PKN2: variants seen among roughly 807,000 people sequenced by gnomAD.
PKN2 encodes protein kinase N2, also known as serine/threonine-protein kinase N2.
In PKN2, 38 loss-of-function variants were observed where a neutral mutation model predicts 119.1. That is an observed-to-expected ratio of 0.32 (90% confidence interval 0.25 to 0.42). The LOEUF is 0.42. PKN2 is among the 10% of genes least tolerant of loss of function. The pLI, the probability that PKN2 is intolerant of heterozygous loss-of-function variation, is 1.00. For synonymous variants in PKN2, 390 were observed against 384.9 expected, an observed-to-expected ratio of 1.01 and a Z score of -0.15; for missense variants, 850 against 1,165.1, an observed-to-expected ratio of 0.73 and a Z score of 3.94.
At chr1:88,731,512 A>G (rs778679836) in intron 1 of PKN2, among the ~76,000 whole-genome samples, 62 of 152,238 alleles carry the variant, frequency 4.1e-4, no homozygotes, top group Non-Finnish European at 8.2e-4. Context: ...CAGAAGGACT[A>G]GTAAGCTGAA....
chr1:88,767,732 G>T (rs1669720887), intron 3 of PKN2, among the ~76,000 whole-genome samples: 1 of 152,112 alleles, frequency 6.6e-6, no homozygotes, highest in African/African-American at 2.4e-5. Flanking sequence ...GAATACAAAA[G>T]AAATAAAAGA....
chr1:88,806,138 TTTTG>T lies in PKN2; in HGVS notation c.1803+129_1803+132del, dbSNP rs1309807219. The T allele has an allele frequency of 1.6e-5, 14 of 895,324 alleles. No homozygotes were observed. The Admixed American group carries it at 3.2e-4, about 20-fold the overall frequency. The allele number at this position is 895,324 out of a possible 1,614,324, so 55.5% of individuals were successfully genotyped here. The stretch of plus-strand genomic sequence containing the variant: ...GCCACTGAACTGTGAATTTATGGTT[TTTTG>T]TTTGTTTTTTGTTTTTGTTTTTGTT... On this transcript the variant is annotated intron_variant, in intron 12 of 21. Transcript: ENST00000370521.
chr1:88,785,937 T>C (rs1289315247), intron 7 of PKN2, among the ~76,000 whole-genome samples, 167 bp from the exon 8 acceptor site: 1 of 152,260 alleles, frequency 6.6e-6, no homozygotes, highest in Non-Finnish European at 1.5e-5. Context: ...AGTAGGAGTA[T>C]ATGTATCTGT....
rs900588946 is a variant in PKN2, at chr1:88,709,178, C to T, written c.48+24550C>T. Among the ~76,000 whole-genome samples, 4 of 151,842 alleles carry T rather than the reference C, an allele frequency of 2.6e-5. No homozygotes were observed. In the East Asian group the frequency reaches 7.7e-4, roughly 29 times the overall value. ...AAGTGATTCTCCTGCCTCAGCCTCC[C>T]GAGTAGCTGGGATTACAGGTGCACA... On this transcript the variant is annotated intron_variant, in intron 1 of 21. Coordinates refer to ENST00000370521, the MANE Select transcript of PKN2 (RefSeq NM_006256.4).
intron 16 of PKN2, 121 bp from the exon 17 acceptor site, chr1:88,821,820 G>A: frequency 1.3e-6 from 1 of 742,004 alleles, no homozygotes. Flanking sequence ...ACATAGTAGG[G>A]ACTAAATAAA....
intron 2 of PKN2, among the ~76,000 whole-genome samples, chr1:88,754,268 CTCTT>C (rs60867604): frequency 0.051 from 7,810 of 151,922 alleles, 381 homozygotes; most frequent in African/African-American, 0.12. Flanking sequence ...CATTTTTCCT[CTCTT>C]TCTCTTTTTA....
chr1:88,728,753 G>C (rs1037163411), intron 1 of PKN2, among the ~76,000 whole-genome samples: 1 of 152,132 alleles, frequency 6.6e-6, no homozygotes, highest in African/African-American at 2.4e-5. Flanking sequence ...TAATCAACGG[G>C]AGGAGGCTAG....
At chr1:88,717,490 G>A (rs753641512) in intron 1 of PKN2, among the ~76,000 whole-genome samples, 27 of 151,772 alleles carry the variant, frequency 1.8e-4, no homozygotes, top group African/African-American at 2.7e-4. Flanking sequence ...GGCTTTGTTC[G>A]TTTCTTTTTA....
In PKN2 at chr1:88,833,453, C is replaced by T; in HGVS notation, c.*5C>T. On this transcript the variant is annotated 3_prime_UTR_variant, in exon 22 of 22. Coordinates refer to ENST00000370521, the MANE Select transcript of PKN2 (RefSeq NM_006256.4). Reference sequence around the variant, plus strand: ...TACATTGCTGATTGGTGTTAAGTTGCTAGACACTGCGAAACCAAGCTGACT... The same window carrying T: ...TACATTGCTGATTGGTGTTAAGTTGTTAGACACTGCGAAACCAAGCTGACT... The T allele has an allele frequency of 6.2e-7, 1 of 1,610,978 alleles. No individual in the cohort carries two copies. The highest frequency in any genetic ancestry group is 8.5e-7 in the Non-Finnish European group (1 of 1,177,552).
At chr1:88,821,870 A>AT in intron 16 of PKN2, 71 bp from the exon 17 acceptor site, 1 of 1,184,460 alleles carries the variant, frequency 8.4e-7, no homozygotes, top group South Asian at 1.6e-5. Context: ...GCTTTGAAGT[A>AT]TAAACATATA....
chr1:88,805,788 T>C (rs994043202), intron 11 of PKN2, 103 bp from the exon 12 acceptor site: 3 of 1,603,472 alleles, frequency 1.9e-6, no homozygotes, highest in African/African-American at 2.7e-5. Flanking sequence ...TTGAAAGTAG[T>C]GTTCTGTTTA....
chr1:88,717,755 G>T (rs1292886858), intron 1 of PKN2, among the ~76,000 whole-genome samples: 3 of 151,950 alleles, frequency 2.0e-5, no homozygotes, highest in Non-Finnish European at 1.5e-5. Flanking sequence ...CTTTAGCTCG[G>T]AGAAGTTTGT....
chr1:88,701,399 G>A (rs981858511), intron 1 of PKN2, among the ~76,000 whole-genome samples: 1 of 152,186 alleles, frequency 6.6e-6, no homozygotes, highest in African/African-American at 2.4e-5. Context: ...ACTAGAGTTA[G>A]CCTTATCTTT....
At chr1:88,822,084 A>G (rs1402505654) in intron 17 of PKN2, 81 bp downstream of exon 17, 1 of 1,239,930 alleles carries the variant, frequency 8.1e-7, no homozygotes, top group Non-Finnish European at 1.1e-6. Context: ...TTTCTTAAAC[A>G]TTTTATGTTT....
At position 88,784,833 on chromosome 1, in the gene PKN2, AC is replaced by A; in HGVS notation, c.1171+11del. 2 of 1,562,222 alleles carry A rather than the reference AC, an allele frequency of 1.3e-6. No homozygotes were observed. Among genetic ancestry groups the A allele is most frequent in the South Asian group, 1.2e-5 (1 of 84,874 alleles). ...AACCGATGACTTGTCCAGTTCAGTA[AC>A]CAGATTTTTAAAAATCATGTAACAA... On this transcript the variant is annotated intron_variant, in intron 7 of 21. Coordinates refer to ENST00000370521, the MANE Select transcript of PKN2 (RefSeq NM_006256.4).
intron 1 of PKN2, among the ~76,000 whole-genome samples, chr1:88,686,111 T>A (rs1426846169): frequency 6.6e-6 from 1 of 152,202 alleles, no homozygotes; most frequent in Non-Finnish European, 1.5e-5. Context: ...GCTAAATGAA[T>A]GGAATTTACT....
chr1:88,727,925 C>T (rs183180516), intron 1 of PKN2, among the ~76,000 whole-genome samples: 10 of 151,204 alleles, frequency 6.6e-5, no homozygotes, highest in East Asian at 3.9e-4. Flanking sequence ...TGCCTGGCTG[C>T]GGTAGGGTTG....
intron 8 of PKN2, among the ~76,000 whole-genome samples, chr1:88,788,422 C>T (rs1309180212): frequency 2.6e-5 from 4 of 151,696 alleles, no homozygotes; most frequent in Non-Finnish European, 4.4e-5. Context: ...AAGTAACTAG[C>T]GTAGGGTATA....
At position 88,835,180 on chromosome 1, in the gene PKN2, A is replaced by G. The variant is rs1274546770; in HGVS notation, c.*1732A>G. The G allele has an allele frequency of 6.6e-6, 1 of 152,152 alleles. No homozygotes were observed. Among genetic ancestry groups the G allele is most frequent in the East Asian group, 1.9e-4 (1 of 5,200 alleles). The allele number at this position is 152,152 out of a possible 1,614,324, so 9.4% of individuals were successfully genotyped here. ...CCTTCCAAATTGTTTATTACCCAAG[A>G]TCCTTTGGGAGAAAATCTTATAGAA... On this transcript the variant is annotated 3_prime_UTR_variant, in exon 22 of 22. Transcript: ENST00000370521.
Sources: gnomAD v4.1 joint callset for allele counts (sites outside exome capture counted in the v4.1 genomes callset) on GRCh38, gnomAD v4.1.1 for gene constraint, MANE v1.5 for transcripts, NCBI Gene and HGNC (gene_info 2026-07-23, HGNC 2026-07-21) for gene names.